BRCA1: variants seen among roughly 807,000 people sequenced by gnomAD.
BRCA1 encodes the protein BRCA1 DNA repair associated, also known as breast cancer type 1 susceptibility protein.
A neutral mutation model predicts 173.7 loss-of-function variants in BRCA1; 140 were observed. The ratio of observed to expected loss-of-function variants is 0.81; its 90% CI spans 0.70 to 0.93. The LOEUF is 0.93. BRCA1 is among the 40% of genes least tolerant of loss of function. The pLI is 0.00. For synonymous variants in BRCA1, 662 were observed against 756.0 expected (o/e 0.88, Z 2.04); for missense variants, 1,983 against 2,172.5 (o/e 0.91, Z 1.73).
chr17:43,148,535 T>C (rs1287228026), intron 1 of BRCA1: 1 of 152,200 alleles, frequency 6.6e-6, no homozygotes, highest in Non-Finnish European at 1.5e-5. Context: ...CTGAGACTCA[T>C]TGTCCAGGAG....
At chr17:43,138,295 G>A (rs560609481) in intron 1 of BRCA1, 7 of 272,040 alleles carry the variant, frequency 2.6e-5, no homozygotes, top group Admixed American at 1.5e-4. Flanking sequence ...TGTTTTCTCC[G>A]ATACTATATG....
chr17:43,147,555 G>A (rs1262479090), intron 1 of BRCA1, among the ~76,000 whole-genome samples: 2 of 152,004 alleles, frequency 1.3e-5, no homozygotes, highest in Non-Finnish European at 2.9e-5. Flanking sequence ...TGATCCACCC[G>A]CCTCGGCCTC....
At chr17:43,126,595 G>T (rs1205587372), upstream of BRCA1, among the ~76,000 whole-genome samples, 1 of 152,234 alleles carries the variant, frequency 6.6e-6, no homozygotes, top group Non-Finnish European at 1.5e-5. Flanking sequence ...GACAGGATGA[G>T]AGAGCCCTTC....
chr17:43,158,654 GTTTA>G (rs2056213155), intron 1 of BRCA1, among the ~76,000 whole-genome samples: 1 of 152,084 alleles, frequency 6.6e-6, no homozygotes, highest in African/African-American at 2.4e-5. Context: ...AACTAATGTA[GTTTA>G]TTATTTAATT....
intron 4 of BRCA1, 101 bp from the exon 5 acceptor site, chr17:43,105,057 C>T (rs990178053): frequency 3.2e-6 from 3 of 948,476 alleles, no homozygotes; most frequent in Non-Finnish European, 3.3e-6. Flanking sequence ...AAATAAGATG[C>T]AGCAACAGTA....
At chr17:43,128,023 CAAAA>C (rs61243891), upstream of BRCA1, among the ~76,000 whole-genome samples, 3 of 24,988 alleles carry the variant, frequency 1.2e-4, no homozygotes, top group Non-Finnish European at 2.8e-4. Context: ...GACTCCATCT[CAAAA>C]AAAAAAAAAA....
intron 1 of BRCA1, chr17:43,131,276 GTATAT>G: frequency 2.3e-6 from 1 of 431,432 alleles, no homozygotes; most frequent in South Asian, 1.8e-5. Flanking sequence ...AAGAGGTAAA[GTATAT>G]TATGGTACTT....
At chr17:43,052,124 C>T (rs1364184853) in intron 19 of BRCA1, among the ~76,000 whole-genome samples, 1 of 152,172 alleles carries the variant, frequency 6.6e-6, no homozygotes, top group Non-Finnish European at 1.5e-5. Flanking sequence ...ACTGCCTCTT[C>T]CACTTACAGG....
intron 1 of BRCA1, among the ~76,000 whole-genome samples, chr17:43,147,457 G>A (rs1332921182): frequency 6.6e-6 from 1 of 152,196 alleles, no homozygotes; most frequent in Non-Finnish European, 1.5e-5. Context: ...CCAAAGTGCT[G>A]GGATTACAGG....
chr17:43,152,591 A>G (rs1192433125), intron 1 of BRCA1, among the ~76,000 whole-genome samples: 2 of 152,104 alleles, frequency 1.3e-5, no homozygotes, highest in Admixed American at 6.6e-5. Flanking sequence ...GTGGTGGCTC[A>G]CACCTGTAAT....
At chr17:43,055,538 AC>A (rs1362617706) in intron 19 of BRCA1, among the ~76,000 whole-genome samples, 1 of 152,152 alleles carries the variant, frequency 6.6e-6, no homozygotes, top group Non-Finnish European at 1.5e-5. Context: ...TAATCCCAGC[AC>A]TTTGGGAGCC....
chr17:43,164,843 T>C (rs1474743670), intron 1 of BRCA1: 2 of 152,214 alleles, frequency 1.3e-5, no homozygotes, highest in Admixed American at 6.5e-5. Flanking sequence ...AAAAGACTTT[T>C]AGTTTTTGAG....
chr17:43,074,172 T>A (rs568374156), intron 14 of BRCA1, among the ~76,000 whole-genome samples, 159 bp downstream of exon 14: 12 of 152,346 alleles, frequency 7.9e-5, no homozygotes, highest in African/African-American at 2.6e-4. Flanking sequence ...TAAACCTTGA[T>A]TAACACTTGA....
chr17:43,092,639 T>C lies in BRCA1; in HGVS notation c.2892A>G (p.Gly964=), dbSNP rs1060504553. The change falls in exon 10 of 23, where the codon GGA becomes GGG. Residue 964 remains glycine (G), a synonymous_variant. Coordinates refer to ENST00000357654, the MANE Select transcript of BRCA1 (RefSeq NM_007294.4). ...GTCCATGTTTATTTGGAGTAATGAG[T>C]CCAGTTTCGTTGCCTCTGAACTGAG... The part of the protein sequence containing the change: ...LSSQFRGNET[G]LITPNKHGLL... 1 of 1,614,076 alleles carries C rather than the reference T, an allele frequency of 6.2e-7. No homozygotes were observed. The highest frequency in any genetic ancestry group is 8.5e-7 in the Non-Finnish European group (1 of 1,179,996).
At chr17:43,046,224 T>C (rs1297805214) in intron 22 of BRCA1, among the ~76,000 whole-genome samples, 3 of 116,642 alleles carry the variant, frequency 2.6e-5, no homozygotes, top group Non-Finnish European at 5.0e-5. Flanking sequence ...CACCTGGCCT[T>C]TTTTTTTTTT....
intron 18 of BRCA1, among the ~76,000 whole-genome samples, chr17:43,057,626 G>A (rs1487266614): frequency 6.6e-6 from 1 of 151,910 alleles, no homozygotes; most frequent in Non-Finnish European, 1.5e-5. Flanking sequence ...ACGAGGTCAG[G>A]AGATCGAGAC....
At chr17:43,056,991 G>C (rs2153344854) in intron 19 of BRCA1, 61 bp downstream of exon 19, 5 of 1,463,216 alleles carry the variant, frequency 3.4e-6, no homozygotes, top group Middle Eastern at 3.4e-4. Context: ...TCTCTGCAAA[G>C]GGGAGTGGAA....
chr17:43,064,857 G>C (rs1422657484), intron 16 of BRCA1, among the ~76,000 whole-genome samples: 1 of 128,284 alleles, frequency 7.8e-6, no homozygotes, highest in East Asian at 2.1e-4. Context: ...TTGAGATGCA[G>C]TCTTGCTCTG....
intron 9 of BRCA1, 134 bp downstream of exon 9, chr17:43,095,712 A>T (rs144121044): frequency 2.6e-6 from 2 of 763,030 alleles, no homozygotes; most frequent in African/African-American, 1.7e-5. Flanking sequence ...TTGACAGAGA[A>T]TGATACTCTA....
Sources: gnomAD v4.1 joint callset for allele counts (sites outside exome capture counted in the v4.1 genomes callset) on GRCh38, gnomAD v4.1.1 for gene constraint, MANE v1.5 for transcripts, NCBI Gene and HGNC (gene_info 2026-07-23, HGNC 2026-07-21) for gene names.